RANBP17: variants seen among roughly 807,000 people sequenced by gnomAD.
The protein encoded by RANBP17 is ran-binding protein 17.
RANBP17 carries 158 observed loss-of-function variants against 141.2 expected under a neutral mutation model. The observed-to-expected ratio is 1.12, with a 90% confidence interval of 0.98 to 1.28. The LOEUF is 1.28. Ranked by LOEUF, RANBP17 falls within the 50% of genes most tolerant of loss-of-function variation. The pLI, the probability that RANBP17 is intolerant of heterozygous loss-of-function variation, is 0.00. For missense variants in RANBP17, 1,438 were observed against 1,290.7 expected (o/e 1.11, Z -1.75); for synonymous variants, 430 against 450.0 (o/e 0.96, Z 0.56).
chr5:171,277,647 A>G lies in RANBP17; in HGVS notation c.2943+11800A>G, dbSNP rs181866794. 5.8e-3 allele frequency among the ~76,000 whole-genome samples: 569 copies of G among 97,956 alleles called. 32 individuals carry two copies. Among genetic ancestry groups the G allele is most frequent in the African/African-American group, 0.012 (370 of 30,738 alleles). 64.3% of individuals were successfully genotyped at this position (97,956 alleles called of 152,430 possible). On this transcript the variant is annotated intron_variant, in intron 25 of 27. Coordinates refer to ENST00000523189, the MANE Select transcript of RANBP17 (RefSeq NM_022897.5). ...TATACATATATGTATGTATATATAT[A>G]TATATATATATATATATATATTTAT...
At chr5:170,900,043 G>A (rs1475009600) in intron 5 of RANBP17, among the ~76,000 whole-genome samples, 1 of 152,140 alleles carries the variant, frequency 6.6e-6, no homozygotes, top group Admixed American at 6.5e-5. Flanking sequence ...AATGAATTAG[G>A]GAGGAGTCTC....
chr5:171,250,710 C>T (rs967084639), intron 24 of RANBP17, among the ~76,000 whole-genome samples: 4 of 151,914 alleles, frequency 2.6e-5, no homozygotes, highest in South Asian at 2.1e-4. Flanking sequence ...CAGATAAAAC[C>T]GACTTTATAT....
At chr5:171,270,877 T>C (rs1214133081) in intron 25 of RANBP17, among the ~76,000 whole-genome samples, 1 of 151,876 alleles carries the variant, frequency 6.6e-6, no homozygotes, top group Non-Finnish European at 1.5e-5. Flanking sequence ...TTGTTAAGAG[T>C]GTATTTTTAG....
At chr5:170,965,511 C>G (rs1176204565) in intron 13 of RANBP17, among the ~76,000 whole-genome samples, 5 of 152,134 alleles carry the variant, frequency 3.3e-5, no homozygotes, top group African/African-American at 4.8e-5. Flanking sequence ...AGGTTTTCTT[C>G]TAGGGTTTTT....
intron 12 of RANBP17, among the ~76,000 whole-genome samples, chr5:170,933,526 T>C (rs945197536): frequency 3.9e-5 from 6 of 152,260 alleles, no homozygotes; most frequent in Admixed American, 6.5e-5. Context: ...TTTTAGATCT[T>C]TCTAGCTTTC....
intron 12 of RANBP17, among the ~76,000 whole-genome samples, chr5:170,940,575 A>T (rs971849898): frequency 3.9e-5 from 6 of 152,218 alleles, no homozygotes; most frequent in African/African-American, 1.4e-4. Flanking sequence ...TCTAGTACTT[A>T]GTGAAGTAGT....
chr5:171,299,170 T>A lies in RANBP17; in HGVS notation c.*312T>A. 1 of 297,488 alleles carries A rather than the reference T, an allele frequency of 3.4e-6. No individual in the cohort carries two copies. Among genetic ancestry groups the A allele is most frequent in the Non-Finnish European group, 6.4e-6 (1 of 156,976 alleles). The allele number at this position is 297,488 out of a possible 1,614,324, so 18.4% of individuals were successfully genotyped here. On this transcript the variant is annotated 3_prime_UTR_variant, in exon 28 of 28. Transcript: ENST00000523189. ...AACCAAAGAACGTAATAAACCAGGT[T>A]TGCACCTAAGTGTGTACTAGTTTAT...
intron 12 of RANBP17, among the ~76,000 whole-genome samples, chr5:170,942,916 C>G (rs1774445573): frequency 6.6e-6 from 1 of 152,162 alleles, no homozygotes; most frequent in East Asian, 1.9e-4. Flanking sequence ...ATAGGACTAT[C>G]TCTTGAATAA....
intron 16 of RANBP17, among the ~76,000 whole-genome samples, chr5:171,176,013 A>C (rs1049334177): frequency 6.6e-6 from 1 of 152,114 alleles, no homozygotes; most frequent in Non-Finnish European, 1.5e-5. Context: ...CACAGGGTCC[A>C]CTATGCAAGT....
In RANBP17 at chr5:171,251,767, G is replaced by T. The variant is rs1161680494; in HGVS notation, c.2776+8947G>T. 9.3e-6 allele frequency: 9 copies of T among 969,596 alleles called. 1 individual carries two copies. The East Asian group carries it at 1.3e-4, about 14-fold the overall frequency. The allele number at this position is 969,596 out of a possible 1,614,324, so 60.1% of individuals were successfully genotyped here. ...GGTGGCCCCGTTCCCCTCCTCCCGC[G>T]CCCGCCCCCGCCTCTGTGATTGGGT... On this transcript the variant is annotated intron_variant, in intron 24 of 27. Coordinates refer to ENST00000523189, the MANE Select transcript of RANBP17 (RefSeq NM_022897.5).
chr5:171,296,651 G>A (rs1239182840), intron 27 of RANBP17, among the ~76,000 whole-genome samples: 2 of 152,192 alleles, frequency 1.3e-5, no homozygotes, highest in African/African-American at 4.8e-5. Context: ...AGTGGCTCAC[G>A]CCTGTAATCT....
intron 24 of RANBP17, among the ~76,000 whole-genome samples, chr5:171,265,211 T>G (rs1766590089): frequency 6.6e-6 from 1 of 152,202 alleles, no homozygotes; most frequent in Admixed American, 6.5e-5. Context: ...CCAGGACCTA[T>G]AATAGACACT....
intron 13 of RANBP17, among the ~76,000 whole-genome samples, chr5:170,967,148 T>C (rs1341354833): frequency 6.6e-6 from 1 of 152,130 alleles, no homozygotes; most frequent in Non-Finnish European, 1.5e-5. Flanking sequence ...TAAAGAGCTC[T>C]AAGATTCATT....
At chr5:171,257,865 G>A (rs1766005121) in intron 24 of RANBP17, among the ~76,000 whole-genome samples, 1 of 152,112 alleles carries the variant, frequency 6.6e-6, no homozygotes, top group African/African-American at 2.4e-5. Flanking sequence ...CAGCATTTTG[G>A]GAGGCTGAGG....
chr5:171,111,550 C>G (rs1236555946), intron 14 of RANBP17, among the ~76,000 whole-genome samples: 1 of 152,152 alleles, frequency 6.6e-6, no homozygotes, highest in Non-Finnish European at 1.5e-5. Flanking sequence ...GTCAGTCTTT[C>G]AGTGAGCCCC....
intron 14 of RANBP17, among the ~76,000 whole-genome samples, chr5:171,146,967 T>A (rs975898991): frequency 5.3e-5 from 8 of 152,130 alleles, no homozygotes; most frequent in African/African-American, 1.9e-4. Context: ...AGTAGAATAG[T>A]AATAGTACTA....
chr5:171,070,967 A>G (rs1784596140), intron 14 of RANBP17, among the ~76,000 whole-genome samples: 1 of 152,166 alleles, frequency 6.6e-6, no homozygotes, highest in African/African-American at 2.4e-5. Context: ...ATTCAGTACT[A>G]TGGTAAACAT....
intron 12 of RANBP17, among the ~76,000 whole-genome samples, chr5:170,946,991 G>A (rs369112819): frequency 9.9e-4 from 151 of 152,250 alleles, no homozygotes; most frequent in African/African-American, 3.5e-3. Context: ...GATTTTCACT[G>A]CTTTGCACAT....
chr5:171,064,164 A>T (rs1046001425), intron 14 of RANBP17, among the ~76,000 whole-genome samples: 1 of 152,158 alleles, frequency 6.6e-6, no homozygotes, highest in Non-Finnish European at 1.5e-5. Context: ...GGTGCGCTGC[A>T]CCCACTGTCC....
Sources: allele counts gnomAD v4.1 joint callset (sites outside exome capture counted in the v4.1 genomes callset), GRCh38; gene constraint gnomAD v4.1.1; transcripts MANE v1.5; gene names NCBI Gene and HGNC (gene_info 2026-07-23, HGNC 2026-07-21).